Variants in PRELID2 observed in about 807,000 individuals in gnomAD.
PRELID2 encodes PRELI domain containing 2.
PRELID2 carries 25 observed loss-of-function variants against 28.4 expected under a neutral mutation model. That is an observed-to-expected ratio of 0.88 (90% CI 0.64 to 1.23). The LOEUF (loss-of-function observed/expected upper bound fraction) is 1.23, where lower values mean the gene tolerates loss of function less well. Ranked by LOEUF, PRELID2 falls within the 50% of genes most tolerant of loss-of-function variation. PRELID2 has a pLI of 0.00. For synonymous variants in PRELID2, 76 were observed against 71.6 expected (o/e 1.06, Z -0.31); for missense variants, 201 against 214.4 (o/e 0.94, Z 0.39).
At chr5:145,645,842 G>A (rs1048865438) in intron 1 of PRELID2, among the ~76,000 whole-genome samples, 1 of 152,160 alleles carries the variant, frequency 6.6e-6, no homozygotes, top group African/African-American at 2.4e-5. Context: ...TTTTCTTTAA[G>A]AATGTTGAAT....
chr5:145,310,584 T>A, the PRELID2 span, among the ~76,000 whole-genome samples: 2 of 152,176 alleles, frequency 1.3e-5, no homozygotes, highest in Non-Finnish European at 2.9e-5. Flanking sequence ...ACCTTTTTAG[T>A]TCATGATATC....
At chr5:145,635,732 G>A (rs1356849499) in intron 1 of PRELID2, among the ~76,000 whole-genome samples, 1 of 152,144 alleles carries the variant, frequency 6.6e-6, no homozygotes, top group Admixed American at 6.5e-5. Context: ...AAGGTCCTTC[G>A]ATGTTTGAAA....
chr5:145,793,326 A>T (rs951570875), intron 5 of PRELID2, among the ~76,000 whole-genome samples: 2 of 152,190 alleles, frequency 1.3e-5, no homozygotes, highest in Non-Finnish European at 1.5e-5. Flanking sequence ...CTGGAAAAAA[A>T]TAGATATCAG....
chr5:145,260,346 G>T, the PRELID2 span, among the ~76,000 whole-genome samples: 1 of 151,656 alleles, frequency 6.6e-6, no homozygotes, highest in Admixed American at 6.6e-5. Flanking sequence ...CGAAACTAAA[G>T]ACAGAAAAAA....
the PRELID2 span, among the ~76,000 whole-genome samples, chr5:145,360,181 A>C: frequency 6.6e-6 from 1 of 152,190 alleles, no homozygotes; most frequent in African/African-American, 2.4e-5. Context: ...GAAAGAGGGC[A>C]ATGTGACTCC....
chr5:145,480,530 T>A (rs1752148812), intron 1 of PRELID2, among the ~76,000 whole-genome samples: 1 of 152,158 alleles, frequency 6.6e-6, no homozygotes, highest in Non-Finnish European at 1.5e-5. Context: ...TATGTAAGTG[T>A]AAAATTACAG....
At chr5:145,819,423 A>C in intron 3 of PRELID2, 1 of 1,579,812 alleles carries the variant, frequency 6.3e-7, no homozygotes, top group Non-Finnish European at 8.7e-7. Flanking sequence ...GACTTCAAAG[A>C]GAGAAAACAA....
chr5:145,348,442 T>C, the PRELID2 span, among the ~76,000 whole-genome samples: 11 of 152,110 alleles, frequency 7.2e-5, no homozygotes, highest in South Asian at 1.9e-3. Flanking sequence ...ACCTCTTAAA[T>C]ATAATGATCA....
chr5:145,481,623 C>CGAAAAAAAAAAAAAAAAAAAAA (rs1752160143), intron 1 of PRELID2, among the ~76,000 whole-genome samples: 1 of 41,862 alleles, frequency 2.4e-5, no homozygotes, highest in Non-Finnish European at 3.8e-5. Context: ...GCAAGGAAAT[C>CGAAAAAAAAAAAAAAAAAAAAA]AAAAAAAAAA....
At position 145,800,038 on chromosome 5, in the gene PRELID2, G is replaced by A. The variant is rs149653834; in HGVS notation, c.369-3491C>T. ...CTCAACCTTACATCTCTGTGGAAAG[G>A]AAATGAGAGCCACGTCTCCTGTATG... On this transcript the variant is annotated intron_variant, in intron 4 of 6. Transcript: ENST00000683046. 1.9e-3 allele frequency among the ~76,000 whole-genome samples: 293 copies of A among 152,032 alleles called. 1 individual carries two copies. Among genetic ancestry groups the A allele is most frequent in the African/African-American group, 6.7e-3 (280 of 41,488 alleles).
At chr5:145,576,006 C>A (rs938792183) in intron 1 of PRELID2, among the ~76,000 whole-genome samples, 1 of 152,128 alleles carries the variant, frequency 6.6e-6, no homozygotes, top group Non-Finnish European at 1.5e-5. Flanking sequence ...TGAAAATCTC[C>A]TTCTAGACAT....
At chr5:145,582,108 G>C (rs1348802721) in intron 1 of PRELID2, among the ~76,000 whole-genome samples, 1 of 151,826 alleles carries the variant, frequency 6.6e-6, no homozygotes, top group Non-Finnish European at 1.5e-5. Context: ...CAGTCTCTGG[G>C]GTCACAAAAT....
intron 5 of PRELID2, 116 bp from the exon 6 acceptor site, chr5:145,765,116 C>A (rs1757669027): frequency 2.9e-6 from 2 of 681,272 alleles, no homozygotes; most frequent in Admixed American, 3.1e-5. Context: ...TTCATTTCAA[C>A]AAAGTAGGCT....
At chr5:145,305,607 T>G in the PRELID2 span, among the ~76,000 whole-genome samples, 1 of 152,116 alleles carries the variant, frequency 6.6e-6, no homozygotes, top group African/African-American at 2.4e-5. Context: ...GGAAAGGAAT[T>G]TGTCTGTGGC....
At chr5:145,712,543 T>C (rs1654133) in intron 1 of PRELID2, among the ~76,000 whole-genome samples, 33,797 of 152,098 alleles carry the variant, frequency 0.22, 4,555 homozygotes, top group East Asian at 0.51. Context: ...ACTAGCAGCC[T>C]AGCATACAAA....
intron 1 of PRELID2, among the ~76,000 whole-genome samples, chr5:145,727,390 G>A (rs1341500671): frequency 6.6e-6 from 1 of 152,264 alleles, no homozygotes; most frequent in South Asian, 2.1e-4. Context: ...AAGGCCATGA[G>A]GGGTTTTAGA....
intron 4 of PRELID2, among the ~76,000 whole-genome samples, chr5:145,805,498 T>C (rs1192944148): frequency 6.6e-6 from 1 of 152,142 alleles, no homozygotes; most frequent in African/African-American, 2.4e-5. Context: ...AAATGTCGAT[T>C]TTTCATGAGC....
the PRELID2 span, among the ~76,000 whole-genome samples, chr5:145,271,700 T>C: frequency 6.6e-6 from 1 of 152,290 alleles, no homozygotes; most frequent in Admixed American, 6.5e-5. Flanking sequence ...TGTGATTTAC[T>C]CTTCCTCCTC....
the PRELID2 span, among the ~76,000 whole-genome samples, chr5:145,360,539 C>T: frequency 6.6e-6 from 1 of 152,106 alleles, no homozygotes; most frequent in Non-Finnish European, 1.5e-5. Context: ...AAAATAACAG[C>T]CCCTGAGCCT....
Sources: gnomAD v4.1 joint callset for allele counts (sites outside exome capture counted in the v4.1 genomes callset) on GRCh38, gnomAD v4.1.1 for gene constraint, MANE v1.5 for transcripts, NCBI Gene and HGNC (gene_info 2026-07-23, HGNC 2026-07-21) for gene names.